GRM7: variants seen among roughly 807,000 people sequenced by gnomAD.
GRM7 encodes the protein metabotropic glutamate receptor 7.
A neutral mutation model predicts 84.5 loss-of-function variants in GRM7; 35 were observed. That is an observed-to-expected ratio of 0.41 (90% confidence interval 0.32 to 0.55). GRM7 has a LOEUF of 0.55. Among genes scored for constraint, GRM7 ranks in the 20% least tolerant of loss-of-function variants. The pLI is 0.19. For synonymous variants in GRM7, 487 were observed against 455.1 expected (o/e 1.07, Z -0.89); for missense variants, 1,003 against 1,194.6 (o/e 0.84, Z 2.36).
At chr3:7,393,380 G>A (rs545261719) in intron 4 of GRM7, among the ~76,000 whole-genome samples, 1 of 152,244 alleles carries the variant, frequency 6.6e-6, no homozygotes, top group East Asian at 1.9e-4. Flanking sequence ...CTAGTGAGTC[G>A]AGGGTTTCTC....
intron 1 of GRM7, among the ~76,000 whole-genome samples, chr3:6,964,795 T>C (rs76148179): frequency 0.026 from 3,931 of 152,274 alleles, 183 homozygotes; most frequent in African/African-American, 0.09. Flanking sequence ...ATTGTTCTTT[T>C]GTACCAGCTG....
At chr3:7,465,960 A>T (rs1197129478) in intron 7 of GRM7, among the ~76,000 whole-genome samples, 1 of 152,150 alleles carries the variant, frequency 6.6e-6, no homozygotes, top group Non-Finnish European at 1.5e-5. Context: ...CCAAGAGATG[A>T]CTGCATGGTT....
chr3:7,458,443 G>A (rs1388937140), intron 6 of GRM7, among the ~76,000 whole-genome samples: 1 of 152,184 alleles, frequency 6.6e-6, no homozygotes, highest in East Asian at 1.9e-4. Context: ...TTAAAAAGGA[G>A]ATGTGGGGAT....
intron 7 of GRM7, among the ~76,000 whole-genome samples, chr3:7,505,725 G>A (rs923406141): frequency 6.6e-6 from 1 of 152,180 alleles, no homozygotes; most frequent in Admixed American, 6.5e-5. Flanking sequence ...AGGCCACCAT[G>A]TGCTGGAATG....
intron 1 of GRM7, among the ~76,000 whole-genome samples, chr3:7,031,882 G>A (rs918177894): frequency 1.3e-5 from 2 of 151,970 alleles, no homozygotes; most frequent in Non-Finnish European, 2.9e-5. Context: ...ATCCCACCAA[G>A]ACAAAGAACT....
At chr3:6,909,037 G>A (rs1696678200) in intron 1 of GRM7, among the ~76,000 whole-genome samples, 1 of 152,080 alleles carries the variant, frequency 6.6e-6, no homozygotes, top group African/African-American at 2.4e-5. Flanking sequence ...AAAGAAAGTT[G>A]CATAAGTCAT....
intron 2 of GRM7, among the ~76,000 whole-genome samples, chr3:7,203,034 C>T (rs1314057907): frequency 2.0e-5 from 3 of 152,184 alleles, no homozygotes; most frequent in Non-Finnish European, 4.4e-5. Flanking sequence ...GTATCCATCA[C>T]CTTTCGTCAT....
At chr3:6,927,513 G>T (rs1697354098) in intron 1 of GRM7, among the ~76,000 whole-genome samples, 2 of 146,456 alleles carry the variant, frequency 1.4e-5, no homozygotes, top group East Asian at 2.0e-4. Context: ...AAGAAAGAAA[G>T]AAAGAAGAGA....
At position 7,103,841 on chromosome 3, in the gene GRM7, C is replaced by CCTCT. The variant is rs1448002551; in HGVS notation, c.520-42598_520-42595dup. ...TTCTCTCTCTCTCTGTCTCTCTCTC[C>CCTCT]CTCTCTCTCTCTCTCTTTCTTTCTT... On this transcript the variant is annotated intron_variant, in intron 1 of 9. Transcript: ENST00000357716. 1.3e-4 allele frequency among the ~76,000 whole-genome samples: 9 copies of CCTCT among 69,952 alleles called. 1 individual carries two copies. Among genetic ancestry groups the CCTCT allele is most frequent in the South Asian group, 1.2e-3 (3 of 2,410 alleles). 45.9% of individuals were successfully genotyped at this position (69,952 alleles called of 152,430 possible). A position where few individuals can be genotyped will look rare whatever the true frequency, so the allele number is the denominator to read the frequency against.
In GRM7 at chr3:7,576,152, C is replaced by T. The variant is rs561176841; in HGVS notation, c.1516-2270C>T. On this transcript the variant is annotated intron_variant, in intron 7 of 9. Transcript: ENST00000357716. ...TGTTTGAAAACACTTGTATTAATAC[C>T]AGCAGTTCTTTTAGGTTCCAACTCT... Among the ~76,000 whole-genome samples, 146 of 152,184 alleles carry T rather than the reference C, an allele frequency of 9.6e-4. 2 individuals are homozygous for T. The South Asian group carries it at 0.028, about 30-fold the overall frequency.
chr3:7,479,624 G>A (rs556888882), intron 7 of GRM7, among the ~76,000 whole-genome samples: 26 of 152,142 alleles, frequency 1.7e-4, no homozygotes, highest in Non-Finnish European at 3.7e-4. Context: ...CTCACTGTAT[G>A]CCAGTCACTA....
At chr3:7,666,174 G>A (rs1239251339) in intron 8 of GRM7, among the ~76,000 whole-genome samples, 1 of 152,134 alleles carries the variant, frequency 6.6e-6, no homozygotes. Context: ...GTCGTCATTC[G>A]AGTTACATTT....
chr3:7,256,273 CTATAGAGGATTG>C (rs1698195832), intron 2 of GRM7, among the ~76,000 whole-genome samples: 1 of 152,144 alleles, frequency 6.6e-6, no homozygotes, highest in African/African-American at 2.4e-5. Flanking sequence ...AAGGAAATCA[CTATAGAGGATTG>C]TATTTTTCAT....
intron 7 of GRM7, among the ~76,000 whole-genome samples, chr3:7,492,246 CCT>C (rs1699546530): frequency 6.6e-6 from 1 of 152,052 alleles, no homozygotes; most frequent in Admixed American, 6.6e-5. Flanking sequence ...GGAGTGCTTC[CCT>C]GTCTTCCACT....
intron 8 of GRM7, among the ~76,000 whole-genome samples, chr3:7,596,010 A>G (rs1228832005): frequency 6.6e-6 from 1 of 152,222 alleles, no homozygotes; most frequent in East Asian, 1.9e-4. Flanking sequence ...AAGTGGAAGC[A>G]GGAAGATAAG....
intron 5 of GRM7, among the ~76,000 whole-genome samples, chr3:7,416,742 A>C (rs2125183143): frequency 6.6e-6 from 1 of 152,280 alleles, no homozygotes; most frequent in South Asian, 2.1e-4. Context: ...GTTCTGAGAT[A>C]TGGTCCCTAG....
chr3:6,960,220 C>T (rs1559353309), intron 1 of GRM7, among the ~76,000 whole-genome samples: 2 of 152,160 alleles, frequency 1.3e-5, no homozygotes, highest in Non-Finnish European at 2.9e-5. Flanking sequence ...CTCTTCCCGA[C>T]CTCTTTCCAG....
intron 4 of GRM7, among the ~76,000 whole-genome samples, chr3:7,338,141 CA>C (rs1559247657): frequency 2.7e-5 from 4 of 149,632 alleles, no homozygotes; most frequent in African/African-American, 9.9e-5. Flanking sequence ...CACACACACA[CA>C]CCCCATGGAA....
intron 1 of GRM7, among the ~76,000 whole-genome samples, chr3:6,953,046 G>A (rs1327541186): frequency 6.6e-6 from 1 of 152,172 alleles, no homozygotes; most frequent in Non-Finnish European, 1.5e-5. Context: ...TGTAACAACA[G>A]TTCTCTATAT....
Sources: allele counts gnomAD v4.1 joint callset (sites outside exome capture counted in the v4.1 genomes callset), GRCh38; gene constraint gnomAD v4.1.1; transcripts MANE v1.5; gene names NCBI Gene and HGNC (gene_info 2026-07-23, HGNC 2026-07-21).